BRAF: variants seen among roughly 807,000 people sequenced by gnomAD.
BRAF encodes the protein serine/threonine-protein kinase B-raf.
In BRAF, 16 loss-of-function variants were observed where a neutral mutation model predicts 104.6. That is an observed-to-expected ratio of 0.15 (90% CI 0.10 to 0.23). BRAF has a LOEUF of 0.23. Ranked by LOEUF, BRAF falls within the 10% of genes least tolerant of loss-of-function variation. BRAF has a pLI of 1.00. For synonymous variants in BRAF, 310 were observed against 341.6 expected (o/e 0.91, Z 1.02); for missense variants, 541 against 937.3 (o/e 0.58, Z 5.52).
chr7:140,727,510 T>C (rs971628203), intron 19 of BRAF, among the ~76,000 whole-genome samples: 5 of 152,222 alleles, frequency 3.3e-5, no homozygotes, highest in African/African-American at 1.2e-4. Context: ...TACCATTTTG[T>C]CCATAGTTTC....
chr7:140,901,549 T>G (rs1815637458), intron 1 of BRAF, among the ~76,000 whole-genome samples: 1 of 152,194 alleles, frequency 6.6e-6, no homozygotes, highest in Non-Finnish European at 1.5e-5. Context: ...CCTACAGGAA[T>G]TTGCATTTGG....
Position 140,860,951 on chromosome 7 carries a change from G to A in BRAF, c.139-10739C>T, listed in dbSNP as rs114879368. On this transcript the variant is annotated intron_variant, in intron 1 of 19. Coordinates refer to ENST00000644969, the MANE Select transcript of BRAF (RefSeq NM_001374258.1). ...CCTAAGAGAGAAAAAATGGCAAACT[G>A]GTACATCTGTATAACAAAATACCAC... Among the ~76,000 whole-genome samples the A allele has an allele frequency of 9.7e-3, 1,471 of 152,028 alleles. 25 individuals are homozygous for A. Among genetic ancestry groups the A allele is most frequent in the African/African-American group, 0.034 (1,391 of 41,450 alleles).
intron 7 of BRAF, among the ~76,000 whole-genome samples, chr7:140,798,892 C>A (rs900411901): frequency 1.3e-5 from 2 of 152,088 alleles, no homozygotes; most frequent in African/African-American, 2.4e-5. Flanking sequence ...GTCACCCAGG[C>A]TGGAGTGCAA....
intron 4 of BRAF, chr7:140,808,324 A>G (rs1442282546): frequency 1.9e-6 from 1 of 519,234 alleles, no homozygotes; most frequent in Non-Finnish European, 3.7e-6. Flanking sequence ...GACCTACAAC[A>G]GCAGAAAATG....
At chr7:140,820,616 C>A (rs1352067750) in intron 3 of BRAF, among the ~76,000 whole-genome samples, 1 of 152,184 alleles carries the variant, frequency 6.6e-6, no homozygotes, top group East Asian at 1.9e-4. Context: ...CCTCCAATAA[C>A]CCCAATTAAC....
intron 1 of BRAF, among the ~76,000 whole-genome samples, chr7:140,869,489 C>T (rs1811327627): frequency 6.6e-6 from 1 of 152,056 alleles, no homozygotes; most frequent in South Asian, 2.1e-4. Context: ...AAAAAATAGC[C>T]AGGCATGGTG....
At chr7:140,756,974 C>G (rs1460918006) in intron 14 of BRAF, among the ~76,000 whole-genome samples, 1 of 152,180 alleles carries the variant, frequency 6.6e-6, no homozygotes. Context: ...AAAAGCAATA[C>G]TTCAGATCGG....
intron 3 of BRAF, among the ~76,000 whole-genome samples, chr7:140,818,598 C>T (rs1805137942): frequency 6.6e-6 from 1 of 152,116 alleles, no homozygotes. Context: ...CAGGCATGAG[C>T]CAACACGCCA....
At chr7:140,877,294 G>T (rs1330430303) in intron 1 of BRAF, among the ~76,000 whole-genome samples, 13 of 42,032 alleles carry the variant, frequency 3.1e-4, no homozygotes, top group Admixed American at 4.9e-4. Context: ...TTTAAGAGAT[G>T]GGGGGGGGGG....
At chr7:140,887,936 T>C (rs1248015172) in intron 1 of BRAF, among the ~76,000 whole-genome samples, 1 of 151,650 alleles carries the variant, frequency 6.6e-6, no homozygotes, top group Non-Finnish European at 1.5e-5. Context: ...TAGAGTGCAG[T>C]GGCATGATTT....
intron 1 of BRAF, among the ~76,000 whole-genome samples, chr7:140,868,825 T>G (rs886344156): frequency 2.0e-5 from 3 of 152,220 alleles, no homozygotes; most frequent in African/African-American, 7.2e-5. Flanking sequence ...AACTATAGTG[T>G]AAATGCCAAG....
chr7:140,800,148 T>C lies in BRAF; in HGVS notation c.980+214A>G, dbSNP rs1012774379. On this transcript the variant is annotated intron_variant, in intron 7 of 19. Coordinates refer to ENST00000644969, the MANE Select transcript of BRAF (RefSeq NM_001374258.1). ...AAGTCAAATCATACCCAATATTGATTTTTTCAGGACTGATTCTGAAATAGT... is the reference window on the plus strand; with the variant it reads ...AAGTCAAATCATACCCAATATTGATCTTTTCAGGACTGATTCTGAAATAGT... The C allele has an allele frequency of 2.8e-5, 20 of 720,226 alleles. No homozygotes were observed. The South Asian group carries it at 3.6e-4, about 13-fold the overall frequency. The allele number at this position is 720,226 out of a possible 1,614,324, so 44.6% of individuals were successfully genotyped here. A position where few individuals can be genotyped will look rare whatever the true frequency, so the allele number is the denominator to read the frequency against.
chr7:140,898,745 C>T (rs547722008), intron 1 of BRAF, among the ~76,000 whole-genome samples: 1 of 152,286 alleles, frequency 6.6e-6, no homozygotes, highest in African/African-American at 2.4e-5. Flanking sequence ...CTTTTATCAT[C>T]ATTATTCCCT....
At chr7:140,770,425 G>T (rs997609775) in intron 14 of BRAF, among the ~76,000 whole-genome samples, 1 of 148,768 alleles carries the variant, frequency 6.7e-6, no homozygotes, top group African/African-American at 2.5e-5. Context: ...TAAATATATC[G>T]ATAGGCTGTA....
chr7:140,778,417 A>C (rs1409767042), intron 12 of BRAF, among the ~76,000 whole-genome samples: 1 of 152,168 alleles, frequency 6.6e-6, no homozygotes, highest in Non-Finnish European at 1.5e-5. Flanking sequence ...TTATTTACTA[A>C]CTGAAACTGC....
intron 1 of BRAF, among the ~76,000 whole-genome samples, chr7:140,912,736 C>G (rs1817126636): frequency 6.6e-6 from 1 of 152,162 alleles, no homozygotes; most frequent in Non-Finnish European, 1.5e-5. Flanking sequence ...TTAGTAGAGA[C>G]AGGGTTTCAC....
At chr7:140,854,483 C>T (rs1809544377) in intron 1 of BRAF, among the ~76,000 whole-genome samples, 1 of 151,748 alleles carries the variant, frequency 6.6e-6, no homozygotes, top group Non-Finnish European at 1.5e-5. Flanking sequence ...ACAATATTAC[C>T]CACACTCCCT....
chr7:140,757,946 T>G (rs986419509), intron 14 of BRAF, among the ~76,000 whole-genome samples: 1 of 152,220 alleles, frequency 6.6e-6, no homozygotes, highest in African/African-American at 2.4e-5. Flanking sequence ...AAGAAAACAA[T>G]GAGAGATTAT....
intron 3 of BRAF, among the ~76,000 whole-genome samples, chr7:140,826,274 C>T (rs1472263369): frequency 6.6e-6 from 1 of 152,168 alleles, no homozygotes; most frequent in African/African-American, 2.4e-5. Context: ...AAATGAGTAT[C>T]AGTATGTTCA....
Sources: allele counts gnomAD v4.1 joint callset (sites outside exome capture counted in the v4.1 genomes callset), GRCh38; gene constraint gnomAD v4.1.1; transcripts MANE v1.5; gene names NCBI Gene and HGNC (gene_info 2026-07-23, HGNC 2026-07-21).